The following UBE2D4 variants were observed in gnomAD, a reference collection of about 807,000 sequenced individuals.
UBE2D4 encodes ubiquitin-conjugating enzyme E2 D4.
A neutral mutation model predicts 23.0 loss-of-function variants in UBE2D4; 17 were observed. That is an observed-to-expected ratio of 0.74 (90% confidence interval 0.51 to 1.11). The LOEUF (loss-of-function observed/expected upper bound fraction) is 1.11. Among genes scored for constraint, UBE2D4 ranks in the 50% least tolerant of loss-of-function variants. The pLI is 0.00. For missense variants in UBE2D4, 139 were observed against 181.8 expected (o/e 0.76, Z 1.35); for synonymous variants, 61 against 69.4 (o/e 0.88, Z 0.60).
At chr7:43,931,980 G>A (rs1411297899) in intron 1 of UBE2D4, among the ~76,000 whole-genome samples, 3 of 149,014 alleles carry the variant, frequency 2.0e-5, no homozygotes. Context: ...GAGCCACTGT[G>A]CCTGGCCATG....
rs1288628454 is a variant in UBE2D4, at chr7:43,952,719, A to ACACT, written c.*25_*28dup. 6.2e-7 allele frequency: 1 copy of ACACT among 1,603,100 alleles called. No individual in the cohort carries two copies. The highest frequency in any genetic ancestry group is 2.2e-5 in the East Asian group (1 of 44,796). ...AAGTGCCTTGGAGGTTTTACATGAG[A>ACACT]CACTGTCCAAGAGAAGCTGGCAGAG... On this transcript the variant is annotated 3_prime_UTR_variant, in exon 7 of 7. Coordinates refer to ENST00000222402, the MANE Select transcript of UBE2D4 (RefSeq NM_015983.4).
At chr7:43,928,013 G>A (rs1308999383) in intron 1 of UBE2D4, 1 of 451,346 alleles carries the variant, frequency 2.2e-6, no homozygotes, top group African/African-American at 2.0e-5. Context: ...CGGTTCTGCA[G>A]GCTGTACAAG....
chr7:43,931,806 C>G (rs891559753), intron 1 of UBE2D4, among the ~76,000 whole-genome samples: 2 of 151,968 alleles, frequency 1.3e-5, no homozygotes, highest in African/African-American at 2.4e-5. Flanking sequence ...TCAACTGATT[C>G]TCCTGTGTCA....
intron 1 of UBE2D4, 54 bp downstream of exon 1, chr7:43,926,610 G>T: frequency 6.6e-7 from 1 of 1,520,952 alleles, no homozygotes; most frequent in Admixed American, 2.2e-5. Context: ...TCGAGGTGTG[G>T]GCGGGGCGCC....
chr7:43,939,464 T>A (rs2095966246), intron 2 of UBE2D4, among the ~76,000 whole-genome samples: 1 of 152,368 alleles, frequency 6.6e-6, no homozygotes, highest in South Asian at 2.1e-4. Context: ...CTTTGTGGGC[T>A]TCTTGGGCTC....
intron 6 of UBE2D4, 161 bp from the exon 7 acceptor site, chr7:43,952,489 C>T (rs2096005069): frequency 7.4e-6 from 5 of 675,454 alleles, no homozygotes; most frequent in Admixed American, 4.3e-5. Flanking sequence ...CTGATGTGCT[C>T]CTGCTCCAGG....
intron 6 of UBE2D4, 117 bp downstream of exon 6, chr7:43,950,809 C>T (rs1452464726): frequency 5.1e-6 from 4 of 780,134 alleles, no homozygotes; most frequent in South Asian, 1.6e-5. Flanking sequence ...TCTTCCTGCC[C>T]ATGCTGAGCC....
intron 4 of UBE2D4, 159 bp downstream of exon 4, chr7:43,943,190 T>C: frequency 1.4e-6 from 1 of 718,476 alleles, no homozygotes. Context: ...CTTTAATTAC[T>C]GGACTTTGGG....
At chr7:43,950,875 C>G (rs1489841958) in intron 6 of UBE2D4, among the ~76,000 whole-genome samples, 183 bp downstream of exon 6, 2 of 152,172 alleles carry the variant, frequency 1.3e-5, no homozygotes, top group African/African-American at 4.8e-5. Context: ...ACTAACATGT[C>G]CTTTGAGTCT....
chr7:43,950,646 C>G lies in UBE2D4; in HGVS notation c.352C>G (p.Pro118Ala). 3 of 1,614,226 alleles carry G rather than the reference C, an allele frequency of 1.9e-6. No homozygotes were observed. Among genetic ancestry groups the G allele is most frequent in the Non-Finnish European group, 1.7e-6 (2 of 1,180,052 alleles). ...SLLCDPNPDD[P>A]LVPEIAHTYK... is the part of the protein sequence containing the mutation. The stretch of plus-strand genomic sequence containing the variant: ...GCTCTGCGACCCCAACCCCGATGAC[C>G]CCCTGGTGCCAGAGATAGCACACAC... The change falls in exon 6 of 7, where the codon CCC becomes GCC. Residue 118 changes from proline (P) to alanine (A), a missense_variant. Pro to Ala is a conservative substitution (Grantham distance 27). Coordinates refer to ENST00000222402, the MANE Select transcript of UBE2D4 (RefSeq NM_015983.4).
chr7:43,945,190 G>A (rs1362438574), intron 4 of UBE2D4, among the ~76,000 whole-genome samples: 1 of 151,978 alleles, frequency 6.6e-6, no homozygotes, highest in East Asian at 1.9e-4. Flanking sequence ...ATGGGGTTTT[G>A]CCATGTTGGG....
At chr7:43,932,050 A>G (rs569527678) in intron 1 of UBE2D4, among the ~76,000 whole-genome samples, 8 of 151,524 alleles carry the variant, frequency 5.3e-5, no homozygotes, top group African/African-American at 1.7e-4. Flanking sequence ...GTGCAGTGGC[A>G]CGATCTCGGC....
rs2095977223 is a variant in UBE2D4 at position 43,943,122 on chromosome 7, G to A, written c.198+91G>A. The A allele has an allele frequency of 4.6e-6, 6 of 1,302,354 alleles. No homozygotes were observed. The South Asian group carries it at 4.7e-5, about 10-fold the overall frequency. 80.7% of individuals were successfully genotyped at this position (1,302,354 alleles called of 1,614,324 possible). ...AAGTCAGGTATAGGTAAAAAGAGCT[G>A]TACGTGGGGTTTCTCTGAGGGCCCA... is the stretch of plus-strand genomic sequence containing the variant. On this transcript the variant is annotated intron_variant, in intron 4 of 6. Coordinates refer to ENST00000222402, the MANE Select transcript of UBE2D4 (RefSeq NM_015983.4).
intron 1 of UBE2D4, 145 bp downstream of exon 1, chr7:43,926,701 C>A (rs2095931778): frequency 2.2e-6 from 2 of 892,062 alleles, no homozygotes; most frequent in Non-Finnish European, 3.1e-6. Context: ...CAGCCTCCCG[C>A]GCAGCCTGAA....
In UBE2D4 at chr7:43,928,675, G is replaced by A. The variant is rs116036193; in HGVS notation, c.24+2119G>A. Among the ~76,000 whole-genome samples the A allele has an allele frequency of 4.3e-3, 649 of 152,206 alleles. 6 individuals are homozygous for A. The highest frequency in any genetic ancestry group is 0.015 in the African/African-American group (608 of 41,536). On this transcript the variant is annotated intron_variant, in intron 1 of 6. Transcript: ENST00000222402. ...GGAATGGATGCTAGGCCAGAGCAGT[G>A]CCTGGACCACATTGCAGAAGTGGAA...
rs1366566563 is a variant in UBE2D4, at chr7:43,955,761, C to T, written c.*3066C>T. On this transcript the variant is annotated 3_prime_UTR_variant, in exon 7 of 7. Transcript: ENST00000222402. ...ACTCATCTCTCCTCCCCTCCCCACC[C>T]CTTCTTCCCCTGCTTCCATTCCCCA... 6.6e-6 allele frequency: 1 copy of T among 152,340 alleles called. No homozygotes were observed. Among genetic ancestry groups the T allele is most frequent in the Non-Finnish European group, 1.5e-5 (1 of 68,144 alleles). The allele number at this position is 152,340 out of a possible 1,614,324, so 9.4% of individuals were successfully genotyped here. A position where few individuals can be genotyped will look rare whatever the true frequency, so the allele number is the denominator to read the frequency against.
chr7:43,928,649 T>A (rs915228576), intron 1 of UBE2D4, among the ~76,000 whole-genome samples: 4 of 152,008 alleles, frequency 2.6e-5, no homozygotes, highest in African/African-American at 9.7e-5. Context: ...TTAATGACCA[T>A]GGAATGGATG....
chr7:43,928,274 A>G (rs946613734), intron 1 of UBE2D4, among the ~76,000 whole-genome samples: 1 of 152,178 alleles, frequency 6.6e-6, no homozygotes, highest in Non-Finnish European at 1.5e-5. Flanking sequence ...CACCTCCAAC[A>G]CTGGCGATCA....
At chr7:43,943,296 A>G (rs1392035347) in intron 4 of UBE2D4, 8 of 572,024 alleles carry the variant, frequency 1.4e-5, no homozygotes, top group Non-Finnish European at 2.5e-5. Flanking sequence ...ACTGTAGCTG[A>G]GTCTGGTCAT....
Sources: gnomAD v4.1 joint callset for allele counts (sites outside exome capture counted in the v4.1 genomes callset) on GRCh38, gnomAD v4.1.1 for gene constraint, MANE v1.5 for transcripts, NCBI Gene and HGNC (gene_info 2026-07-23, HGNC 2026-07-21) for gene names.